Variants in THAP4 observed in about 807,000 individuals in gnomAD.
THAP4 encodes peroxynitrite isomerase THAP4.
THAP4 carries 18 observed loss-of-function variants against 48.1 expected under a neutral mutation model. The observed-to-expected ratio is 0.37, with a 90% confidence interval of 0.26 to 0.56. The LOEUF (loss-of-function observed/expected upper bound fraction) is 0.56. Ranked by LOEUF, THAP4 falls within the 20% of genes least tolerant of loss-of-function variation. The probability of loss-of-function intolerance (pLI) is 0.78; values close to 1 mark genes in which losing one functional copy is unlikely to be tolerated. For synonymous variants in THAP4, 345 were observed against 324.9 expected, an observed-to-expected ratio of 1.06 and a Z score of -0.66; for missense variants, 656 against 774.9, an observed-to-expected ratio of 0.85 and a Z score of 1.82.
intron 2 of THAP4, among the ~76,000 whole-genome samples, chr2:241,622,098 G>A (rs896866104): frequency 3.9e-5 from 6 of 152,200 alleles, no homozygotes; most frequent in African/African-American, 7.2e-5. Flanking sequence ...ACGCGGGCGC[G>A]GTGGCTCACG....
chr2:241,613,100 C>T (rs1258319894), intron 2 of THAP4, among the ~76,000 whole-genome samples: 2 of 152,054 alleles, frequency 1.3e-5, no homozygotes, highest in African/African-American at 2.4e-5. Context: ...ACATAAGAGA[C>T]TCACTCTCTA....
At chr2:241,605,138 C>A (rs887922258) in intron 3 of THAP4, among the ~76,000 whole-genome samples, 1 of 152,126 alleles carries the variant, frequency 6.6e-6, no homozygotes. Context: ...AGAATTCTCA[C>A]CTTTTGGTTT....
intron 5 of THAP4, among the ~76,000 whole-genome samples, chr2:241,587,421 C>T (rs1017703304): frequency 6.6e-6 from 1 of 152,198 alleles, no homozygotes; most frequent in African/African-American, 2.4e-5. Context: ...CCAAGAGTGA[C>T]ACCACTGACT....
intron 5 of THAP4, among the ~76,000 whole-genome samples, chr2:241,590,539 G>GAGA (rs1575016639): frequency 1.3e-5 from 1 of 76,712 alleles, no homozygotes; most frequent in Non-Finnish European, 2.6e-5. Flanking sequence ...GGCTGATGAT[G>GAGA]GGCACTAGGA....
chr2:241,604,629 C>G (rs776267828), intron 3 of THAP4, among the ~76,000 whole-genome samples: 1 of 152,002 alleles, frequency 6.6e-6, no homozygotes. Context: ...AGGCTGGTCT[C>G]GAACTCTTGA....
chr2:241,625,796 T>TAAAAAAA (rs2067488813), intron 2 of THAP4, among the ~76,000 whole-genome samples: 1 of 15,984 alleles, frequency 6.3e-5, no homozygotes, highest in African/African-American at 3.2e-4. Flanking sequence ...AGACTCCGTC[T>TAAAAAAA]CAAAAAAAAA....
rs2067257309 is a variant in THAP4 at position 241,610,570 on chromosome 2, C to T, written c.1241-4097G>A. Among the ~76,000 whole-genome samples the T allele has an allele frequency of 6.6e-6, 1 of 152,156 alleles. No individual in the cohort carries two copies. The highest frequency in any genetic ancestry group is 6.5e-5 in the Admixed American group (1 of 15,284). On this transcript the variant is annotated intron_variant, in intron 2 of 5. Transcript: ENST00000407315. This position sits in a 1 kb window ranked among gnomAD's most constrained non-coding sequence, Gnocchi z 4.2. ...ACCACAGCGACCGCGCCCCTCGGCC[C>T]GGAGGCCCCGCCCTCCCCACTCCTG...
intron 2 of THAP4, among the ~76,000 whole-genome samples, chr2:241,615,568 A>G (rs1354780832): frequency 6.6e-6 from 1 of 152,252 alleles, no homozygotes; most frequent in Non-Finnish European, 1.5e-5. Flanking sequence ...CACCTACTGC[A>G]GATCTAATAT....
At chr2:241,627,624 G>T (rs922487271) in intron 2 of THAP4, among the ~76,000 whole-genome samples, 2 of 152,208 alleles carry the variant, frequency 1.3e-5, no homozygotes, top group Non-Finnish European at 2.9e-5. Context: ...ATAGACAAGT[G>T]TGCGGCGCTT....
At chr2:241,627,736 G>A (rs1479706947) in intron 2 of THAP4, among the ~76,000 whole-genome samples, 2 of 152,174 alleles carry the variant, frequency 1.3e-5, no homozygotes, top group East Asian at 1.9e-4. Flanking sequence ...GGCCTGCGAC[G>A]CCGGCGTGAC....
At chr2:241,637,223 G>C (rs917539272), upstream of THAP4, 1 of 991,010 alleles carries the variant, frequency 1.0e-6, no homozygotes, top group African/African-American at 1.8e-5. Context: ...CTCGCCAGCC[G>C]CGGGTTCGGG....
chr2:241,629,721 TTTC>T (rs1206257869), intron 2 of THAP4, among the ~76,000 whole-genome samples: 1 of 146,772 alleles, frequency 6.8e-6, no homozygotes, highest in Non-Finnish European at 1.5e-5. Context: ...CAAAAAGGAG[TTTC>T]TTGTGTTGGT....
Position 241,636,932 on chromosome 2 carries a change from C to A in THAP4, c.77+9G>T. 1 of 1,251,160 alleles carries A rather than the reference C, an allele frequency of 8.0e-7. No individual in the cohort carries two copies. Among genetic ancestry groups the A allele is most frequent in the Non-Finnish European group, 1.0e-6 (1 of 973,406 alleles). The allele number at this position is 1,251,160 out of a possible 1,614,324, so 77.5% of individuals were successfully genotyped here. On this transcript the variant is annotated intron_variant, in intron 1 of 5. Coordinates refer to ENST00000407315, the MANE Select transcript of THAP4 (RefSeq NM_015963.6). ...GGGGCGGGGGCGTGGCGGCCCGGGG[C>A]CCGCGTACCTGTGGAAGGAGACGGC... is the stretch of plus-strand genomic sequence containing the variant.
At chr2:241,635,678 G>A (rs952445996) in intron 1 of THAP4, among the ~76,000 whole-genome samples, 3 of 151,962 alleles carry the variant, frequency 2.0e-5, no homozygotes, top group African/African-American at 4.8e-5. Context: ...GCTGAAGCAG[G>A]AGAATAGCTT....
At chr2:241,620,845 T>C (rs975606735) in intron 2 of THAP4, among the ~76,000 whole-genome samples, 1 of 152,098 alleles carries the variant, frequency 6.6e-6, no homozygotes, top group Non-Finnish European at 1.5e-5. Context: ...ATTATAATCT[T>C]ACGGGACTAC....
At chr2:241,617,077 T>G (rs956551285) in intron 2 of THAP4, among the ~76,000 whole-genome samples, 2 of 152,202 alleles carry the variant, frequency 1.3e-5, no homozygotes, top group Admixed American at 6.5e-5. Flanking sequence ...AGTAAGAGAA[T>G]TTTAGAATCC....
chr2:241,609,692 T>C (rs1299444396), intron 2 of THAP4, among the ~76,000 whole-genome samples: 3 of 151,370 alleles, frequency 2.0e-5, no homozygotes, highest in Non-Finnish European at 4.4e-5. Context: ...GAGGCTGAGG[T>C]ACAAGAATTG....
intron 4 of THAP4, 66 bp downstream of exon 4, chr2:241,602,904 C>A: frequency 2.4e-6 from 3 of 1,246,658 alleles, no homozygotes; most frequent in Non-Finnish European, 3.5e-6. Flanking sequence ...ATCCCTGCAC[C>A]CCTGCTTCGA....
intron 5 of THAP4, among the ~76,000 whole-genome samples, chr2:241,591,350 G>A (rs2066976822): frequency 6.6e-6 from 1 of 152,194 alleles, no homozygotes; most frequent in African/African-American, 2.4e-5. Context: ...CTAGGGTGCT[G>A]GGACTGTTCT....
Sources: gnomAD v4.1 joint callset for allele counts (sites outside exome capture counted in the v4.1 genomes callset) on GRCh38, gnomAD v4.1.1 for gene constraint, Gnocchi (gnomAD v3.1) non-coding constraint, MANE v1.5 for transcripts, NCBI Gene and HGNC (gene_info 2026-07-23, HGNC 2026-07-21) for gene names.